RP1: variants seen among roughly 807,000 people sequenced by gnomAD.
RP1 encodes the protein RP1 axonemal microtubule associated, also known as oxygen-regulated protein 1.
In RP1, 16 loss-of-function variants were observed where a neutral mutation model predicts 14.8. That is an observed-to-expected ratio of 1.08 (90% CI 0.73 to 1.65). The LOEUF is 1.65. Ranked by LOEUF, RP1 falls within the 40% of genes most tolerant of loss-of-function variation. The pLI is 0.00. For missense variants in RP1, 2,631 were observed against 2,535.0 expected (o/e 1.04, Z -0.81); for synonymous variants, 876 against 883.6 (o/e 0.99, Z 0.15).
At chr8:54,729,581 T>C (rs1808741388) in intron 17 of RP1, among the ~76,000 whole-genome samples, 1 of 152,124 alleles carries the variant, frequency 6.6e-6, no homozygotes, top group Admixed American at 6.6e-5. Flanking sequence ...CTTAAAATTA[T>C]ATCAACTTAC....
intron 24 of RP1, among the ~76,000 whole-genome samples, chr8:54,800,884 G>A (rs1036878096): frequency 1.3e-5 from 2 of 152,134 alleles, no homozygotes; most frequent in African/African-American, 2.4e-5. Flanking sequence ...TTCAGATTGT[G>A]GTTTCCTTGC....
chr8:54,656,042 G>GTGT (rs1563339096), intron 5 of RP1: 1 of 1,404,054 alleles, frequency 7.1e-7, no homozygotes, highest in East Asian at 2.7e-5. Context: ...CTTTGATAAA[G>GTGT]CATTCCTACA....
intron 1 of RP1, among the ~76,000 whole-genome samples, chr8:54,618,186 A>G (rs980693603): frequency 1.3e-5 from 2 of 152,116 alleles, no homozygotes; most frequent in Admixed American, 1.3e-4. Context: ...ACTGCTGGGG[A>G]CCTGGCATCT....
intron 24 of RP1, among the ~76,000 whole-genome samples, chr8:54,791,698 G>T (rs939113978): frequency 1.3e-5 from 2 of 151,848 alleles, no homozygotes; most frequent in Non-Finnish European, 2.9e-5. Flanking sequence ...TAACCACAAA[G>T]AATAAACCTG....
chr8:54,744,752 T>C (rs181645762), intron 19 of RP1, among the ~76,000 whole-genome samples: 1 of 152,348 alleles, frequency 6.6e-6, no homozygotes, highest in African/African-American at 2.4e-5. Context: ...CAAAATTTTA[T>C]TCCTCCACGT....
At chr8:54,680,680 C>T (rs944095959) in intron 12 of RP1, among the ~76,000 whole-genome samples, 9 of 152,056 alleles carry the variant, frequency 5.9e-5, no homozygotes, top group Non-Finnish European at 1.3e-4. Context: ...ATGTCTGGGC[C>T]GGGTGTGGTG....
downstream of RP1, among the ~76,000 whole-genome samples, chr8:54,632,838 G>A (rs566779968): frequency 7.0e-4 from 106 of 152,140 alleles, 1 homozygote; most frequent in Non-Finnish European, 1.4e-3. Context: ...AAACTTTAGA[G>A]GAAATTTAAG....
intron 24 of RP1, among the ~76,000 whole-genome samples, chr8:54,828,646 A>C (rs1811443145): frequency 6.6e-6 from 1 of 152,096 alleles, no homozygotes; most frequent in African/African-American, 2.4e-5. Context: ...CCTTTATAAC[A>C]ACACCAACAG....
Position 54,624,668 on chromosome 8 carries a change from A to T in RP1, c.788-2A>T, listed in dbSNP as rs1422250479. On this transcript the variant is annotated splice_acceptor_variant, in intron 3 of 3. Transcript: ENST00000220676. LOFTEE classifies it high-confidence loss of function. ...CACCTTTTACTCTTAAAATCTTTAA[A>T]GTAAGCACACATATGTCTTCAAGCT... is the stretch of plus-strand genomic sequence containing the variant. The T allele has an allele frequency of 1.2e-6, 2 of 1,613,558 alleles. No individual in the cohort carries two copies. Among genetic ancestry groups the T allele is most frequent in the Non-Finnish European group, 1.7e-6 (2 of 1,179,878 alleles).
At chr8:54,779,952 C>T (rs764985680) in intron 23 of RP1, among the ~76,000 whole-genome samples, 1 of 152,182 alleles carries the variant, frequency 6.6e-6, no homozygotes, top group African/African-American at 2.4e-5. Context: ...TGGCTGAAAA[C>T]AATAATTTGT....
At chr8:54,634,655 C>G (rs1406181616), downstream of RP1, among the ~76,000 whole-genome samples, 8 of 152,130 alleles carry the variant, frequency 5.3e-5, no homozygotes, top group Non-Finnish European at 7.3e-5. Flanking sequence ...GACCAAAAAG[C>G]TTTTGAAAAT....
intron 13 of RP1, chr8:54,701,432 T>G: frequency 6.9e-7 from 1 of 1,455,090 alleles, no homozygotes; most frequent in South Asian, 1.4e-5. Flanking sequence ...GTGATTACAT[T>G]AAATTTTTTT....
At chr8:54,739,508 G>A (rs779615795) in intron 19 of RP1, among the ~76,000 whole-genome samples, 1 of 151,994 alleles carries the variant, frequency 6.6e-6, no homozygotes, top group East Asian at 1.9e-4. Context: ...TTTTTTAATA[G>A]CATATTTATG....
intron 3 of RP1, among the ~76,000 whole-genome samples, chr8:54,644,084 A>G (rs1806499998): frequency 1.3e-5 from 2 of 152,196 alleles, no homozygotes; most frequent in Non-Finnish European, 2.9e-5. Context: ...TGCATCTCGG[A>G]CCAAAATTCC....
intron 14 of RP1, among the ~76,000 whole-genome samples, chr8:54,702,963 C>T (rs1585620669): frequency 1.3e-5 from 2 of 152,194 alleles, no homozygotes; most frequent in East Asian, 1.9e-4. Context: ...GTCACAACTT[C>T]AAGCTCCACT....
intron 6 of RP1, among the ~76,000 whole-genome samples, chr8:54,658,954 T>C (rs1003587674): frequency 6.6e-6 from 1 of 152,166 alleles, no homozygotes; most frequent in African/African-American, 2.4e-5. Flanking sequence ...GGTTTTCATT[T>C]GCATTTCTGT....
chr8:54,583,031 A>G (rs1182035684), intron 1 of RP1, among the ~76,000 whole-genome samples: 3 of 152,086 alleles, frequency 2.0e-5, no homozygotes, highest in African/African-American at 7.2e-5. Context: ...AACTTCCAAC[A>G]CTATGTTGAA....
intron 1 of RP1, among the ~76,000 whole-genome samples, chr8:54,607,645 G>A (rs1805485982): frequency 6.6e-6 from 1 of 152,188 alleles, no homozygotes; most frequent in Non-Finnish European, 1.5e-5. Context: ...CCCAGAGGTG[G>A]AGTCTATAGA....
In RP1 at chr8:54,626,079, A is replaced by G. The variant is rs778512583; in HGVS notation, c.2197A>G (p.Lys733Glu). The G allele has an allele frequency of 1.2e-6, 2 of 1,613,668 alleles. No individual in the cohort carries two copies. Among genetic ancestry groups the G allele is most frequent in the Non-Finnish European group, 1.7e-6 (2 of 1,179,728 alleles). ...GATACTTTGTGAGGAAGACCTCCAGAAAAGTGATACTGTAATTGAATCAAA... is the reference window on the plus strand; with the variant it reads ...GATACTTTGTGAGGAAGACCTCCAGGAAAGTGATACTGTAATTGAATCAAA... ...GGILCEEDLQ[K>E]SDTVIESNTF... Residue 733 changes from lysine (K) to glutamate (E), a missense_variant, in exon 4 of 4, where the codon AAA becomes GAA. By Grantham distance (56) the Lys-to-Glu change is moderately conservative (BLOSUM62 1). Coordinates refer to ENST00000220676, the MANE Select transcript of RP1 (RefSeq NM_006269.2).
Sources: allele counts gnomAD v4.1 joint callset (sites outside exome capture counted in the v4.1 genomes callset), GRCh38; gene constraint gnomAD v4.1.1; transcripts MANE v1.5; gene names NCBI Gene and HGNC (gene_info 2026-07-23, HGNC 2026-07-21).